Variants in STAG1 observed in about 807,000 individuals in gnomAD.
STAG1 encodes cohesin subunit SA-1.
STAG1 carries 26 observed loss-of-function variants against 170.9 expected under a neutral mutation model. The ratio of observed to expected loss-of-function variants is 0.15; its 90% CI spans 0.11 to 0.21. The LOEUF is 0.21. Ranked by LOEUF, STAG1 falls within the 10% of genes least tolerant of loss-of-function variation. STAG1 has a pLI of 1.00. For synonymous variants in STAG1, 514 were observed against 497.7 expected, an observed-to-expected ratio of 1.03 and a Z score of -0.44; for missense variants, 964 against 1,509.5, an observed-to-expected ratio of 0.64 and a Z score of 5.99.
At chr3:136,353,615 A>C (rs540490463) in intron 28 of STAG1, among the ~76,000 whole-genome samples, 5 of 152,348 alleles carry the variant, frequency 3.3e-5, no homozygotes, top group Admixed American at 2.0e-4. Context: ...TACATCGCTC[A>C]CTGTAACCTC....
chr3:136,699,382 T>A (rs537891310), intron 1 of STAG1, among the ~76,000 whole-genome samples: 1 of 152,220 alleles, frequency 6.6e-6, no homozygotes, highest in South Asian at 2.1e-4. Context: ...ATTAGTCAAC[T>A]GCATTTTCTT....
chr3:136,562,905 A>G (rs1048131928), intron 5 of STAG1, among the ~76,000 whole-genome samples: 2 of 152,090 alleles, frequency 1.3e-5, no homozygotes, highest in Admixed American at 6.6e-5. Context: ...CTATTTCATG[A>G]CACTGACTTT....
chr3:136,494,221 T>C (rs1932944263), intron 9 of STAG1, among the ~76,000 whole-genome samples: 1 of 152,086 alleles, frequency 6.6e-6, no homozygotes, highest in African/African-American at 2.4e-5. Context: ...TACGGAGTTG[T>C]GATTGTGCCA....
chr3:136,403,224 TAAAAAAA>T (rs55678408), intron 21 of STAG1, among the ~76,000 whole-genome samples: 17 of 33,606 alleles, frequency 5.1e-4, no homozygotes, highest in African/African-American at 9.1e-4. Flanking sequence ...GAGACTGTCT[TAAAAAAA>T]AAAAAAAAAA....
At chr3:136,388,873 C>A (rs2086933809) in intron 22 of STAG1, among the ~76,000 whole-genome samples, 1 of 152,120 alleles carries the variant, frequency 6.6e-6, no homozygotes, top group South Asian at 2.1e-4. Context: ...GGAAAGGAAA[C>A]TTCTTTTATC....
chr3:136,468,333 C>T lies in STAG1; in HGVS notation c.1206-3345G>A, dbSNP rs774691924. ...AAAAGGATAAAGGGGATATCACCAC[C>T]GATCCCACAGAAATACAAACTACCA... On this transcript the variant is annotated intron_variant, in intron 12 of 33. Transcript: ENST00000383202. Among the ~76,000 whole-genome samples, 22 of 152,058 alleles carry T rather than the reference C, an allele frequency of 1.4e-4. No individual in the cohort carries two copies. In the South Asian group the frequency reaches 2.3e-3, roughly 16 times the overall value.
intron 1 of STAG1, among the ~76,000 whole-genome samples, chr3:136,637,919 T>C (rs1391224485): frequency 1.3e-5 from 2 of 151,368 alleles, no homozygotes; most frequent in Non-Finnish European, 2.9e-5. Context: ...GTAGCCCAGG[T>C]TACAGTGCAG....
At chr3:136,675,080 C>A (rs1295951590) in intron 1 of STAG1, among the ~76,000 whole-genome samples, 2 of 152,180 alleles carry the variant, frequency 1.3e-5, no homozygotes, top group African/African-American at 4.8e-5. Flanking sequence ...CAGTAGATGT[C>A]CTTCCAAAGT....
chr3:136,751,538 G>A (rs1313959000), intron 1 of STAG1, among the ~76,000 whole-genome samples: 1 of 152,056 alleles, frequency 6.6e-6, no homozygotes, highest in African/African-American at 2.4e-5. Flanking sequence ...GCCCCCGTCG[G>A]GGGCTGAGAG....
At chr3:136,579,108 G>C (rs1937539240) in intron 4 of STAG1, among the ~76,000 whole-genome samples, 1 of 152,184 alleles carries the variant, frequency 6.6e-6, no homozygotes. Context: ...GGATCTTGAA[G>C]AATGACTATG....
intron 5 of STAG1, among the ~76,000 whole-genome samples, chr3:136,553,260 A>T (rs1485337827): frequency 6.6e-6 from 1 of 152,192 alleles, no homozygotes; most frequent in Non-Finnish European, 1.5e-5. Context: ...AGAAAGCTGC[A>T]CAGAAATTCA....
At chr3:136,397,685 A>T (rs2087205888) in intron 22 of STAG1, among the ~76,000 whole-genome samples, 1 of 151,974 alleles carries the variant, frequency 6.6e-6, no homozygotes, top group South Asian at 2.1e-4. Flanking sequence ...TATCTGGGAG[A>T]TGTGGCCACC....
At position 136,398,850 on chromosome 3, in the gene STAG1, T is replaced by A. The variant is rs201937911; in HGVS notation, c.2197-21A>T. On this transcript the variant is annotated intron_variant, in intron 21 of 33. Transcript: ENST00000383202. Reference sequence around the variant, plus strand: ...ACTATCTGTATCAAATGAAAAAAAATTTTTTTAATGAAAAATTCAAAAAAA... The same window carrying A: ...ACTATCTGTATCAAATGAAAAAAAAATTTTTTAATGAAAAATTCAAAAAAA... 923 of 1,497,068 alleles carry A rather than the reference T, an allele frequency of 6.2e-4. 10 individuals carry two copies. In the East Asian group the frequency reaches 0.018, roughly 30 times the overall value. The allele number at this position is 1,497,068 out of a possible 1,614,324, so 92.7% of individuals were successfully genotyped here. A position where few individuals can be genotyped will look rare whatever the true frequency, so the allele number is the denominator to read the frequency against.
At chr3:136,375,760 G>C (rs561856204) in intron 23 of STAG1, among the ~76,000 whole-genome samples, 2 of 151,730 alleles carry the variant, frequency 1.3e-5, no homozygotes, top group South Asian at 2.1e-4. Context: ...CATGAGGTCA[G>C]GAGTTTGAGA....
At chr3:136,585,671 C>T (rs1433737185) in intron 4 of STAG1, among the ~76,000 whole-genome samples, 2 of 151,976 alleles carry the variant, frequency 1.3e-5, no homozygotes, top group Admixed American at 6.5e-5. Flanking sequence ...CTCTTTCCAT[C>T]TGTGTTCATG....
chr3:136,615,382 C>CCT, intron 3 of STAG1, among the ~76,000 whole-genome samples: 1 of 126,992 alleles, frequency 7.9e-6, no homozygotes, highest in Non-Finnish European at 1.6e-5. Flanking sequence ...GAGCTGAGAT[C>CCT]GTGTCACTGC....
At chr3:136,544,612 A>G (rs1444329604) in intron 5 of STAG1, among the ~76,000 whole-genome samples, 1 of 151,936 alleles carries the variant, frequency 6.6e-6, no homozygotes, top group Non-Finnish European at 1.5e-5. Context: ...AAAATACAAA[A>G]AAACAGCCGG....
At chr3:136,693,168 G>C (rs1942780892) in intron 1 of STAG1, among the ~76,000 whole-genome samples, 1 of 152,130 alleles carries the variant, frequency 6.6e-6, no homozygotes, top group South Asian at 2.1e-4. Flanking sequence ...CAATAAAAAG[G>C]GATGAATATC....
intron 29 of STAG1, among the ~76,000 whole-genome samples, chr3:136,345,096 T>C (rs1936164470): frequency 1.3e-5 from 2 of 152,012 alleles, no homozygotes; most frequent in Non-Finnish European, 2.9e-5. Flanking sequence ...TTTATAAATA[T>C]ATATATATTT....
Sources: allele counts gnomAD v4.1 joint callset (sites outside exome capture counted in the v4.1 genomes callset), GRCh38; gene constraint gnomAD v4.1.1; transcripts MANE v1.5; gene names NCBI Gene and HGNC (gene_info 2026-07-23, HGNC 2026-07-21).